EIF3B: variants seen among roughly 807,000 people sequenced by gnomAD.
The protein encoded by EIF3B is eukaryotic translation initiation factor 3 subunit 9.
A neutral mutation model predicts 104.6 loss-of-function variants in EIF3B; 10 were observed. That is an observed-to-expected ratio of 0.10 (90% CI 0.06 to 0.16). The LOEUF is 0.16. EIF3B is among the 10% of genes least tolerant of loss of function. The probability of loss-of-function intolerance (pLI) is 1.00; values close to 1 mark genes in which losing one functional copy is unlikely to be tolerated. For missense variants in EIF3B, 1,014 were observed against 1,087.9 expected, an observed-to-expected ratio of 0.93 and a Z score of 0.96; for synonymous variants, 542 against 417.2, an observed-to-expected ratio of 1.30 and a Z score of -3.65.
At position 2,369,864 on chromosome 7, in the gene EIF3B, C is replaced by T. The variant is rs186875717; in HGVS notation, c.1614+182C>T. ...CGATTTCGGCTCACTGCAGTCTCTG[C>T]CTCCTGGTTTCAAATGATTCTTCTG... On this transcript the variant is annotated intron_variant, in intron 10 of 18. Coordinates refer to ENST00000360876, the MANE Select transcript of EIF3B (RefSeq NM_001037283.2). 1.0e-3 allele frequency among the ~76,000 whole-genome samples: 144 copies of T among 142,558 alleles called. 4 individuals carry two copies. In the Admixed American group the frequency reaches 0.011, roughly 11 times the overall value. The allele number at this position is 142,558 out of a possible 152,430, so 93.5% of individuals were successfully genotyped here. A position where few individuals can be genotyped will look rare whatever the true frequency, so the allele number is the denominator to read the frequency against.
At chr7:2,358,361 G>A (rs1173869164) in intron 1 of EIF3B, among the ~76,000 whole-genome samples, 2 of 152,090 alleles carry the variant, frequency 1.3e-5, no homozygotes, top group Admixed American at 6.6e-5. Context: ...TGGGATTACA[G>A]GCGTGAGCCA....
chr7:2,355,613 C>G (rs895712409), intron 1 of EIF3B, among the ~76,000 whole-genome samples, 193 bp downstream of exon 1: 1 of 151,788 alleles, frequency 6.6e-6, no homozygotes, highest in African/African-American at 2.4e-5. Flanking sequence ...AGCGCCTCCC[C>G]TTTTCTTTCC....
chr7:2,375,031 T>A, intron 13 of EIF3B: 1 of 340,008 alleles, frequency 2.9e-6, no homozygotes, highest in Non-Finnish European at 5.5e-6. Flanking sequence ...CAGCAGTGTG[T>A]CGAAATCATG....
intron 9 of EIF3B, among the ~76,000 whole-genome samples, chr7:2,368,030 A>G (rs185549326): frequency 6.7e-6 from 1 of 150,084 alleles, no homozygotes; most frequent in East Asian, 2.0e-4. Context: ...TTTAGTAGAG[A>G]TGGGGTTTCA....
chr7:2,358,298 G>T (rs1205985286), intron 1 of EIF3B, among the ~76,000 whole-genome samples: 1 of 152,056 alleles, frequency 6.6e-6, no homozygotes, highest in Non-Finnish European at 1.5e-5. Context: ...TGGCCAGGCT[G>T]GTCTCGAACT....
Position 2,355,266 on chromosome 7 carries a change from G to A in EIF3B, c.345G>A (p.Glu115=), listed in dbSNP as rs1372518888. Residue 115 remains glutamate (E), a synonymous_variant, in exon 1 of 19, where the codon GAG becomes GAA. Coordinates refer to ENST00000360876, the MANE Select transcript of EIF3B (RefSeq NM_001037283.2). ...CCCCAGGAGAGCAGGCTCGGGACGAGCGCTCCGACAGCCGGGCCCAGGCGG... is the reference window on the plus strand; with the variant it reads ...CCCCAGGAGAGCAGGCTCGGGACGAACGCTCCGACAGCCGGGCCCAGGCGG... ...GEAPGEQARD[E]RSDSRAQAVS... is the part of the protein sequence containing the mutation. 6.5e-7 allele frequency: 1 copy of A among 1,531,826 alleles called. No individual in the cohort carries two copies. The highest frequency in any genetic ancestry group is 1.2e-5 in the South Asian group (1 of 83,540). The allele number at this position is 1,531,826 out of a possible 1,614,324, so 94.9% of individuals were successfully genotyped here.
Position 2,364,426 on chromosome 7 carries a change from T to A in EIF3B, c.1054T>A (p.Phe352Ile). 6.2e-7 allele frequency: 1 copy of A among 1,613,216 alleles called. No individual in the cohort carries two copies. Residue 352 changes from phenylalanine (F) to isoleucine (I), a missense_variant, in exon 6 of 19, where the codon TTT (phenylalanine) becomes ATT (isoleucine). This residue lies in a region of EIF3B where 201 missense variants were observed against 240.7 expected (regional missense o/e 0.83). Transcript: ENST00000360876. The stretch of plus-strand genomic sequence containing the variant: ...TCCTAAGGGCACCTACCTGGCTACC[T>A]TTCATCAAAGAGGCATTGCTCTATG... The part of the protein sequence containing the change: ...WSPKGTYLAT[F>I]HQRGIALWGG...
chr7:2,372,620 G>A, intron 11 of EIF3B, 53 bp from the exon 12 acceptor site: 3 of 1,589,026 alleles, frequency 1.9e-6, no homozygotes, highest in Non-Finnish European at 2.6e-6. Context: ...CTGATCAAGA[G>A]CACTATGTTC....
chr7:2,371,593 G>A (rs564778258), intron 10 of EIF3B, among the ~76,000 whole-genome samples, 184 bp from the exon 11 acceptor site: 1 of 152,260 alleles, frequency 6.6e-6, no homozygotes, highest in African/African-American at 2.4e-5. Context: ...ACGTGGTGCC[G>A]GCAGTTCTCC....
intron 14 of EIF3B, 162 bp from the exon 15 acceptor site, chr7:2,376,788 T>G: frequency 2.0e-6 from 2 of 1,024,748 alleles, no homozygotes; most frequent in Non-Finnish European, 2.8e-6. Flanking sequence ...GGAGGTGTCT[T>G]GCATTGACTG....
intron 13 of EIF3B, chr7:2,375,176 A>G (rs1780564846): frequency 3.7e-6 from 2 of 545,286 alleles, no homozygotes; most frequent in East Asian, 2.9e-5. Context: ...AGTAAAAATA[A>G]TATGATGGCA....
intron 9 of EIF3B, among the ~76,000 whole-genome samples, chr7:2,369,100 T>TA (rs1780184459): frequency 6.6e-6 from 1 of 152,228 alleles, no homozygotes; most frequent in Non-Finnish European, 1.5e-5. Context: ...AATTAATCTT[T>TA]AGATGACATG....
chr7:2,367,163 T>G, intron 9 of EIF3B, 118 bp downstream of exon 9: 1 of 993,944 alleles, frequency 1.0e-6, no homozygotes, highest in Non-Finnish European at 1.5e-6. Flanking sequence ...TGAGATTTCT[T>G]TCTCCCAGTT....
intron 8 of EIF3B, 187 bp from the exon 9 acceptor site, chr7:2,366,812 T>C (rs1033921928): frequency 4.4e-5 from 35 of 795,400 alleles, no homozygotes; most frequent in Non-Finnish European, 7.1e-5. Flanking sequence ...TGGGAGTTAA[T>C]GCAGTGGGCT....
chr7:2,378,104 T>A lies in EIF3B; in HGVS notation c.2155-585T>A, dbSNP rs868528908. 137 of 28,064 alleles carry A rather than the reference T, an allele frequency of 4.9e-3. 1 individual carries two copies. Among genetic ancestry groups the A allele is most frequent in the Middle Eastern group, 0.022 (1 of 46 alleles). The allele number at this position is 28,064 out of a possible 1,614,324, so 1.7% of individuals were successfully genotyped here. A position where few individuals can be genotyped will look rare whatever the true frequency, so the allele number is the denominator to read the frequency against. The stretch of plus-strand genomic sequence containing the variant: ...GTTCTGTGAATGACCCTGGGTGTCA[T>A]GGAGGAAGGAGCAGGCGCGAGCTCT... On this transcript the variant is annotated intron_variant, in intron 15 of 18. Transcript: ENST00000360876.
chr7:2,380,549 T>G lies in EIF3B; in HGVS notation c.*360T>G, dbSNP rs1474793280. ...TGGCGGCACCTTCTCCTGCGCCCAGTGATGTTTCCACGGTGCCTGTACACA... is the reference window on the plus strand; with the variant it reads ...TGGCGGCACCTTCTCCTGCGCCCAGGGATGTTTCCACGGTGCCTGTACACA... On this transcript the variant is annotated 3_prime_UTR_variant, in exon 19 of 19. Transcript: ENST00000360876. 9 of 395,126 alleles carry G rather than the reference T, an allele frequency of 2.3e-5. No individual in the cohort carries two copies. Among genetic ancestry groups the G allele is most frequent in the Non-Finnish European group, 3.5e-5 (7 of 199,158 alleles). 24.5% of individuals were successfully genotyped at this position (395,126 alleles called of 1,614,324 possible).
chr7:2,371,743 A>T (rs752491489), intron 10 of EIF3B, 34 bp from the exon 11 acceptor site: 1 of 1,498,948 alleles, frequency 6.7e-7, no homozygotes, highest in South Asian at 1.1e-5. Flanking sequence ...TTCACTGTCC[A>T]GAATGTCACC....
chr7:2,362,965 TG>T, intron 3 of EIF3B, 104 bp from the exon 4 acceptor site: 2 of 1,483,438 alleles, frequency 1.3e-6, no homozygotes, highest in Non-Finnish European at 1.9e-6. Context: ...GTCACAGCCC[TG>T]GGGGCGGGCA....
chr7:2,360,360 A>G (rs894552864), intron 1 of EIF3B, among the ~76,000 whole-genome samples: 2 of 152,266 alleles, frequency 1.3e-5, no homozygotes. Context: ...AAATCTAGGC[A>G]TCTCTGGAAG....
Sources: allele counts gnomAD v4.1 joint callset (sites outside exome capture counted in the v4.1 genomes callset), GRCh38; gene constraint gnomAD v4.1.1; regional missense constraint gnomAD v4.1.1; transcripts MANE v1.5; gene names NCBI Gene and HGNC (gene_info 2026-07-23, HGNC 2026-07-21).